Variants in IPCEF1 observed in about 807,000 individuals in gnomAD.
The protein encoded by IPCEF1 is interactor protein for cytohesin exchange factors 1.
In IPCEF1, 31 loss-of-function variants were observed where a neutral mutation model predicts 50.9. The ratio of observed to expected loss-of-function variants is 0.61; its 90% CI spans 0.46 to 0.82. The LOEUF (loss-of-function observed/expected upper bound fraction) is 0.82, where lower values mean the gene tolerates loss of function less well. IPCEF1 is among the 40% of genes least tolerant of loss of function. The probability of loss-of-function intolerance (pLI) is 0.00; values close to 1 mark genes in which losing one functional copy is unlikely to be tolerated. For missense variants in IPCEF1, 458 were observed against 514.0 expected (o/e 0.89, Z 1.05); for synonymous variants, 181 against 192.0 (o/e 0.94, Z 0.47).
intron 10 of IPCEF1, among the ~76,000 whole-genome samples, chr6:154,194,321 C>T (rs146907391): frequency 2.8e-3 from 433 of 152,296 alleles, no homozygotes; most frequent in African/African-American, 0.01. Flanking sequence ...ATCACTTGAA[C>T]GCAGGAGGCA....
At chr6:154,163,881 AAAGATAGG>A in intron 11 of IPCEF1, among the ~76,000 whole-genome samples, 1 of 152,220 alleles carries the variant, frequency 6.6e-6, no homozygotes, top group South Asian at 2.1e-4. Flanking sequence ...ATAGATGGAT[AAAGATAGG>A]AATCCTTCCT....
chr6:154,278,393 G>A (rs548179586), intron 2 of IPCEF1, among the ~76,000 whole-genome samples: 33 of 152,238 alleles, frequency 2.2e-4, no homozygotes, highest in Non-Finnish European at 3.8e-4. Context: ...AGTAGAGAAT[G>A]GGAATCCAAG....
chr6:154,200,444 G>T (rs1358700085), intron 9 of IPCEF1, among the ~76,000 whole-genome samples: 2 of 152,214 alleles, frequency 1.3e-5, no homozygotes, highest in Admixed American at 1.3e-4. Flanking sequence ...GGAGAGGCTG[G>T]GTGCGATGGC....
chr6:154,165,525 A>G (rs1162620667), intron 11 of IPCEF1, among the ~76,000 whole-genome samples: 2 of 152,144 alleles, frequency 1.3e-5, no homozygotes, highest in Admixed American at 6.5e-5. Flanking sequence ...ACTGCATGAC[A>G]TGGGTCCTGT....
chr6:154,279,483 G>A (rs1391136244), intron 2 of IPCEF1, among the ~76,000 whole-genome samples: 2 of 151,946 alleles, frequency 1.3e-5, no homozygotes, highest in Non-Finnish European at 2.9e-5. Context: ...TTCCTTCTAC[G>A]AATTTTATTG....
intron 1 of IPCEF1, among the ~76,000 whole-genome samples, chr6:154,313,534 T>C (rs769563967): frequency 1.3e-5 from 2 of 152,186 alleles, no homozygotes; most frequent in Non-Finnish European, 2.9e-5. Flanking sequence ...TCTTTACTAC[T>C]TTTCTATACT....
chr6:154,315,160 G>C (rs1030229282), intron 1 of IPCEF1, among the ~76,000 whole-genome samples: 1 of 152,172 alleles, frequency 6.6e-6, no homozygotes, highest in African/African-American at 2.4e-5. Context: ...TGGGATTATA[G>C]GCGTGAGCCA....
intron 2 of IPCEF1, among the ~76,000 whole-genome samples, chr6:154,278,087 A>AT (rs1187991154): frequency 6.6e-6 from 1 of 151,992 alleles, no homozygotes; most frequent in Non-Finnish European, 1.5e-5. Flanking sequence ...GGAATCACCT[A>AT]TTTTTTTCTT....
chr6:154,247,060 T>C (rs1023795425), intron 4 of IPCEF1: 5 of 403,940 alleles, frequency 1.2e-5, no homozygotes, highest in Non-Finnish European at 4.4e-6. Flanking sequence ...AGTCTAAGAA[T>C]AGTATTCACC....
intron 1 of IPCEF1, among the ~76,000 whole-genome samples, chr6:154,332,400 T>C (rs1032194453): frequency 6.6e-6 from 1 of 151,930 alleles, no homozygotes; most frequent in African/African-American, 2.4e-5. Flanking sequence ...CCGGCCCATG[T>C]TGATAACTTT....
At chr6:154,331,446 C>G (rs148163437) in intron 1 of IPCEF1, among the ~76,000 whole-genome samples, 1 of 103,220 alleles carries the variant, frequency 9.7e-6, no homozygotes, top group Admixed American at 1.0e-4. Context: ...AGAAAGAGAA[C>G]GAAAGAAAGA....
chr6:154,272,893 T>A (rs1781933210), intron 2 of IPCEF1, among the ~76,000 whole-genome samples: 1 of 152,120 alleles, frequency 6.6e-6, no homozygotes, highest in South Asian at 2.1e-4. Context: ...AAGAAAAAAA[T>A]TCCACTAAGG....
intron 10 of IPCEF1, among the ~76,000 whole-genome samples, chr6:154,194,198 G>A (rs906040327): frequency 6.6e-5 from 10 of 152,148 alleles, no homozygotes; most frequent in Non-Finnish European, 1.0e-4. Flanking sequence ...TCAGGAGTTC[G>A]AGACCAGCCT....
chr6:154,203,907 A>C (rs1777274342), intron 9 of IPCEF1, among the ~76,000 whole-genome samples: 1 of 152,208 alleles, frequency 6.6e-6, no homozygotes, highest in South Asian at 2.1e-4. Context: ...TGAGTGATTT[A>C]TCCGAATCCC....
chr6:154,190,099 CT>C (rs1370681316), intron 10 of IPCEF1, among the ~76,000 whole-genome samples: 3 of 152,130 alleles, frequency 2.0e-5, no homozygotes, highest in African/African-American at 7.2e-5. Flanking sequence ...ACTTCCTATA[CT>C]TATATTGACT....
rs1336988403 is a variant in IPCEF1 at position 154,156,398 on chromosome 6, G to A, written c.*3430C>T. On this transcript the variant is annotated 3_prime_UTR_variant, in exon 12 of 12. Transcript: ENST00000367220. The stretch of plus-strand genomic sequence containing the variant: ...CAACAGCAACTTCACAAGGTAACAG[G>A]TGAAGCGAGGTGGGGGGCGGAGAGG... The A allele has an allele frequency of 1.3e-5, 2 of 152,302 alleles. No individual in the cohort carries two copies. Among genetic ancestry groups the A allele is most frequent in the African/African-American group, 4.8e-5 (2 of 41,444 alleles). The allele number at this position is 152,302 out of a possible 1,614,324, so 9.4% of individuals were successfully genotyped here.
chr6:154,339,763 TA>T (rs1231477019), intron 1 of IPCEF1, among the ~76,000 whole-genome samples: 1 of 152,038 alleles, frequency 6.6e-6, no homozygotes, highest in East Asian at 1.9e-4. Context: ...CAGCTAATTT[TA>T]AAAAATATTT....
chr6:154,311,336 A>T (rs570491247), intron 1 of IPCEF1, among the ~76,000 whole-genome samples: 1 of 152,248 alleles, frequency 6.6e-6, no homozygotes, highest in South Asian at 2.1e-4. Flanking sequence ...TCTCAAGCTC[A>T]TTGCAACCCC....
intron 1 of IPCEF1, among the ~76,000 whole-genome samples, chr6:154,297,108 G>A (rs1323411748): frequency 1.3e-5 from 2 of 151,326 alleles, no homozygotes; most frequent in South Asian, 2.1e-4. Context: ...CATGATCATG[G>A]CTCGCTACAG....
Sources: allele counts gnomAD v4.1 joint callset (sites outside exome capture counted in the v4.1 genomes callset), GRCh38; gene constraint gnomAD v4.1.1; transcripts MANE v1.5; gene names NCBI Gene and HGNC (gene_info 2026-07-23, HGNC 2026-07-21).